The following PLCB4 variants were observed in gnomAD, a reference collection of about 807,000 sequenced individuals.
PLCB4 encodes 1-phosphatidylinositol 4,5-bisphosphate phosphodiesterase beta-4.
Under a neutral mutation model 178.8 loss-of-function variants are expected in PLCB4, and 77 were observed. That is an observed-to-expected ratio of 0.43 (90% confidence interval 0.36 to 0.52). PLCB4 has a LOEUF of 0.52. Among genes scored for constraint, PLCB4 ranks in the 20% least tolerant of loss-of-function variants. The pLI, the probability that PLCB4 is intolerant of heterozygous loss-of-function variation, is 0.00. For missense variants in PLCB4, 1,024 were observed against 1,453.4 expected, an observed-to-expected ratio of 0.70 and a Z score of 4.80; for synonymous variants, 496 against 490.8, an observed-to-expected ratio of 1.01 and a Z score of -0.14.
At chr20:9,184,663 A>G (rs994161850) in intron 2 of PLCB4, among the ~76,000 whole-genome samples, 1 of 151,116 alleles carries the variant, frequency 6.6e-6, no homozygotes, top group East Asian at 1.9e-4. Context: ...TTTTTATTCA[A>G]CTAGTTTTGA....
At position 9,476,734 on chromosome 20, in the gene PLCB4, T is replaced by G; in HGVS notation, c.3513T>G (p.His1171Gln). ...KQNEQLLKSCHAVSQTQGEGD... is the reference protein window; with the variant it reads ...KQNEQLLKSCQAVSQTQGEGD... ...ACAAACAGCTTTTGAAATCCTGTCA[T>G]GCAGTGTCCCAAACGCAAGGTAGGA... Residue 1171 changes from histidine (H) to glutamine (Q), a missense_variant, in exon 39 of 40, where the codon CAT becomes CAG. Physicochemically the swap from His to Gln is conservative, Grantham distance 24 (BLOSUM62 0). This residue lies in a region of PLCB4 where 264 missense variants were observed against 283.2 expected (regional missense o/e 0.93). Transcript: ENST00000378473. 1.2e-6 allele frequency: 2 copies of G among 1,610,394 alleles called. No homozygotes were observed. The highest frequency in any genetic ancestry group is 2.2e-5 in the South Asian group (2 of 90,944).
At chr20:9,107,850 T>G (rs2146670949) in intron 2 of PLCB4, among the ~76,000 whole-genome samples, 1 of 152,268 alleles carries the variant, frequency 6.6e-6, no homozygotes, top group South Asian at 2.1e-4. Context: ...GTTATGTTCC[T>G]GTGTAATCAA....
intron 28 of PLCB4, among the ~76,000 whole-genome samples, chr20:9,433,360 T>C (rs1489823540): frequency 3.3e-5 from 5 of 152,240 alleles, no homozygotes; most frequent in African/African-American, 1.2e-4. Context: ...GTGTGAAATC[T>C]GGTACCTTGA....
At chr20:9,391,413 T>G in intron 17 of PLCB4, among the ~76,000 whole-genome samples, 1 of 152,146 alleles carries the variant, frequency 6.6e-6, no homozygotes, top group East Asian at 1.9e-4. Flanking sequence ...AGACCTGCTA[T>G]TGACAGCAGC....
At chr20:9,415,017 A>G (rs963969968) in intron 25 of PLCB4, among the ~76,000 whole-genome samples, 3 of 152,344 alleles carry the variant, frequency 2.0e-5, no homozygotes, top group Non-Finnish European at 2.9e-5. Flanking sequence ...CACATTGCAT[A>G]CCTGTGATAA....
chr20:9,265,376 G>A lies in PLCB4; in HGVS notation c.-15-42424G>A, dbSNP rs143426038. 1.6e-4 allele frequency among the ~76,000 whole-genome samples: 24 copies of A among 152,188 alleles called. No homozygotes were observed. In the South Asian group the frequency reaches 1.9e-3, roughly 12 times the overall value. ...CACACGCCTGTAATCCCTGCTACTC[G>A]GGAGGCTGAGGCATGAGAATCACTT... is the stretch of plus-strand genomic sequence containing the variant. On this transcript the variant is annotated intron_variant, in intron 3 of 39. Coordinates refer to ENST00000378473, the MANE Select transcript of PLCB4 (RefSeq NM_001377142.1).
chr20:9,070,675 A>C (rs544537101), intron 1 of PLCB4, among the ~76,000 whole-genome samples: 1 of 152,294 alleles, frequency 6.6e-6, no homozygotes, highest in African/African-American at 2.4e-5. Context: ...ATGGCAAAAC[A>C]TTTTTATTGG....
intron 33 of PLCB4, among the ~76,000 whole-genome samples, chr20:9,456,469 A>G (rs968394251): frequency 1.3e-5 from 2 of 152,242 alleles, no homozygotes; most frequent in Admixed American, 6.5e-5. Flanking sequence ...CCGAATATAA[A>G]GAAGGTTGAT....
rs921649760 is a variant in PLCB4, at chr20:9,261,003, G to A, written c.-16+43551G>A. On this transcript the variant is annotated intron_variant, in intron 3 of 39. Coordinates refer to ENST00000378473, the MANE Select transcript of PLCB4 (RefSeq NM_001377142.1). ...CCACCCTAAGTATATTAGTCCAAGA[G>A]GCAAGTGTTCGCACTTTCAAAGCAA... is the stretch of plus-strand genomic sequence containing the variant. Among the ~76,000 whole-genome samples the A allele has an allele frequency of 2.0e-5, 3 of 152,150 alleles. No homozygotes were observed. The South Asian group carries it at 6.2e-4, about 32-fold the overall frequency.
At chr20:9,100,264 A>G (rs1463520422) in intron 2 of PLCB4, among the ~76,000 whole-genome samples, 2 of 152,232 alleles carry the variant, frequency 1.3e-5, no homozygotes, top group Non-Finnish European at 2.9e-5. Flanking sequence ...CAAAAGCAAT[A>G]CTAATGGAAA....
At chr20:9,473,201 T>C in intron 37 of PLCB4, 78 bp from the exon 38 acceptor site, 1 of 832,788 alleles carries the variant, frequency 1.2e-6, no homozygotes, top group Non-Finnish European at 1.9e-6. Context: ...ATTATAAAGT[T>C]ACAAGTCATC....
intron 2 of PLCB4, among the ~76,000 whole-genome samples, chr20:9,128,972 G>T (rs2092204052): frequency 1.3e-5 from 2 of 152,098 alleles, no homozygotes; most frequent in Admixed American, 1.3e-4. Context: ...TGTGCTCAAG[G>T]TTCATCCATA....
At chr20:9,200,574 G>A (rs1476553215) in intron 2 of PLCB4, among the ~76,000 whole-genome samples, 1 of 152,162 alleles carries the variant, frequency 6.6e-6, no homozygotes, top group Non-Finnish European at 1.5e-5. Flanking sequence ...TCCAATCATT[G>A]TCTTTTTCTG....
At chr20:9,191,186 G>C (rs2093397898) in intron 2 of PLCB4, among the ~76,000 whole-genome samples, 1 of 151,982 alleles carries the variant, frequency 6.6e-6, no homozygotes, top group African/African-American at 2.4e-5. Flanking sequence ...AAATTACATG[G>C]AATATCAGGG....
At chr20:9,245,135 G>A (rs2094111249) in intron 3 of PLCB4, among the ~76,000 whole-genome samples, 1 of 152,150 alleles carries the variant, frequency 6.6e-6, no homozygotes, top group South Asian at 2.1e-4. Context: ...AGGAGTTCAG[G>A]AGTTCAAGAG....
intron 13 of PLCB4, among the ~76,000 whole-genome samples, chr20:9,382,128 C>T (rs1025838771): frequency 6.6e-6 from 1 of 152,184 alleles, no homozygotes; most frequent in Non-Finnish European, 1.5e-5. Context: ...CCGTTATTTA[C>T]CCAGTCAAAA....
chr20:9,171,299 A>G (rs183933258), intron 2 of PLCB4, among the ~76,000 whole-genome samples: 1 of 152,344 alleles, frequency 6.6e-6, no homozygotes, highest in East Asian at 1.9e-4. Context: ...TTTCAAAGGT[A>G]CATCATTTAG....
Position 9,384,359 on chromosome 20 carries a change from G to A in PLCB4, c.1012G>A (p.Gly338Ser), listed in dbSNP as rs775209954. The change falls in exon 14 of 40, where the codon GGC becomes AGC. Residue 338 changes from glycine (G) to serine (S), a missense_variant. Physicochemically the swap from Gly to Ser is moderately conservative, Grantham distance 56 (BLOSUM62 0). This residue lies in a region of PLCB4 where 263 missense variants were observed against 417.4 expected (regional missense o/e 0.63). Coordinates refer to ENST00000378473, the MANE Select transcript of PLCB4 (RefSeq NM_001377142.1). ...HNTYLTGRQFGGKSSVEMYRQ... is the reference protein window; with the variant it reads ...HNTYLTGRQFSGKSSVEMYRQ... ...CACTTATCTCACTGGCAGACAGTTCGGCGGGAAGTCTTCGGTAGAAATGTA... is the reference window on the plus strand; with the variant it reads ...CACTTATCTCACTGGCAGACAGTTCAGCGGGAAGTCTTCGGTAGAAATGTA... The A allele has an allele frequency of 2.5e-6, 4 of 1,614,042 alleles. No individual in the cohort carries two copies. The highest frequency in any genetic ancestry group is 1.7e-6 in the Non-Finnish European group (2 of 1,180,018).
intron 3 of PLCB4, among the ~76,000 whole-genome samples, chr20:9,276,500 C>A (rs1277633765): frequency 6.6e-6 from 1 of 151,972 alleles, no homozygotes; most frequent in Non-Finnish European, 1.5e-5. Flanking sequence ...TAGAATCAAG[C>A]CTCTGGGTAC....
Sources: gnomAD v4.1 joint callset for allele counts (sites outside exome capture counted in the v4.1 genomes callset) on GRCh38, gnomAD v4.1.1 for gene constraint, gnomAD v4.1.1 regional missense constraint, MANE v1.5 for transcripts, NCBI Gene and HGNC (gene_info 2026-07-23, HGNC 2026-07-21) for gene names.